AIG1: variants seen among roughly 807,000 people sequenced by gnomAD.
AIG1 encodes the protein androgen induced 1.
In AIG1, 23 loss-of-function variants were observed where a neutral mutation model predicts 31.4. The observed-to-expected ratio is 0.73, with a 90% CI of 0.53 to 1.04. AIG1 has a LOEUF of 1.04. Ranked by LOEUF, AIG1 falls within the 50% of genes least tolerant of loss-of-function variation. The probability of loss-of-function intolerance (pLI) is 0.00; values close to 1 mark genes in which losing one functional copy is unlikely to be tolerated. For synonymous variants in AIG1, 100 were observed against 110.5 expected (o/e 0.90, Z 0.60); for missense variants, 274 against 295.0 (o/e 0.93, Z 0.52).
At chr6:143,138,836 T>A (rs1407626205) in intron 2 of AIG1, among the ~76,000 whole-genome samples, 1 of 147,140 alleles carries the variant, frequency 6.8e-6, no homozygotes, top group Non-Finnish European at 1.5e-5. Context: ...GAGGTTGCAG[T>A]GAGCTGAGAT....
chr6:143,114,089 A>G (rs1781541845), intron 1 of AIG1, among the ~76,000 whole-genome samples: 2 of 152,126 alleles, frequency 1.3e-5, no homozygotes, highest in African/African-American at 4.8e-5. Flanking sequence ...TGTTTTCTTA[A>G]CCTGTTAAAC....
chr6:143,239,628 C>T (rs1794084433), intron 3 of AIG1, among the ~76,000 whole-genome samples: 1 of 152,198 alleles, frequency 6.6e-6, no homozygotes, highest in Non-Finnish European at 1.5e-5. Flanking sequence ...TATAAGTCTA[C>T]CTTACTCAGT....
intron 1 of AIG1, among the ~76,000 whole-genome samples, chr6:143,113,869 G>C (rs1781507173): frequency 6.6e-6 from 1 of 151,840 alleles, no homozygotes; most frequent in South Asian, 2.1e-4. Context: ...CTGCCTCCCG[G>C]GTTCATGGCA....
intron 4 of AIG1, among the ~76,000 whole-genome samples, chr6:143,316,564 G>C (rs1775757969): frequency 6.6e-6 from 1 of 151,872 alleles, no homozygotes; most frequent in Non-Finnish European, 1.5e-5. Flanking sequence ...TGAGCACAAA[G>C]AGACAATCTA....
intron 1 of AIG1, among the ~76,000 whole-genome samples, chr6:143,080,499 T>C (rs1212953243): frequency 6.6e-6 from 1 of 151,936 alleles, no homozygotes; most frequent in Non-Finnish European, 1.5e-5. Flanking sequence ...AAAACTCCGA[T>C]ACAATAGGGC....
intron 3 of AIG1, among the ~76,000 whole-genome samples, chr6:143,250,192 A>G (rs985633706): frequency 6.6e-6 from 1 of 152,216 alleles, no homozygotes; most frequent in African/African-American, 2.4e-5. Flanking sequence ...GATTGTGATC[A>G]CTTGTGTCTT....
chr6:143,205,548 A>G (rs1182653208), intron 3 of AIG1, among the ~76,000 whole-genome samples: 1 of 152,222 alleles, frequency 6.6e-6, no homozygotes, highest in Non-Finnish European at 1.5e-5. Flanking sequence ...ATCCATAAAT[A>G]CATTACCTTT....
intron 3 of AIG1, among the ~76,000 whole-genome samples, chr6:143,266,338 G>C (rs1478794036): frequency 1.9e-5 from 2 of 107,676 alleles, no homozygotes; most frequent in Non-Finnish European, 3.4e-5. Flanking sequence ...TAGAGTAAGA[G>C]TCCGTCTCAA....
chr6:143,336,148 A>G (rs1777471145), intron 5 of AIG1, among the ~76,000 whole-genome samples: 1 of 152,152 alleles, frequency 6.6e-6, no homozygotes, highest in African/African-American at 2.4e-5. Context: ...CAGTACTACA[A>G]TCCTGAGTAT....
chr6:143,067,946 G>A (rs2128459087), intron 1 of AIG1, among the ~76,000 whole-genome samples: 1 of 152,240 alleles, frequency 6.6e-6, no homozygotes, highest in East Asian at 1.9e-4. Context: ...CTAACCTGGA[G>A]GAAGAATTGT....
At chr6:143,264,772 C>G (rs1177657194) in intron 3 of AIG1, among the ~76,000 whole-genome samples, 1 of 152,134 alleles carries the variant, frequency 6.6e-6, no homozygotes, top group Non-Finnish European at 1.5e-5. Context: ...ATTTTGAAGA[C>G]CCAAAGCATA....
downstream of AIG1, chr6:143,343,110 T>TGCGGAC: frequency 3.9e-6 from 3 of 769,750 alleles, no homozygotes; most frequent in South Asian, 4.1e-5. Flanking sequence ...CTGTCCGCAC[T>TGCGGAC]AAGATCCCAG....
intron 3 of AIG1, among the ~76,000 whole-genome samples, chr6:143,281,667 A>C (rs1562553643): frequency 6.6e-6 from 1 of 152,232 alleles, no homozygotes; most frequent in South Asian, 2.1e-4. Flanking sequence ...TTATATTTGC[A>C]GTAGGTATTT....
intron 3 of AIG1, among the ~76,000 whole-genome samples, chr6:143,277,317 T>A (rs987006561): frequency 2.6e-5 from 4 of 152,212 alleles, no homozygotes; most frequent in African/African-American, 9.6e-5. Context: ...CATACTATTC[T>A]TATTTACAAT....
intron 1 of AIG1, among the ~76,000 whole-genome samples, chr6:143,079,571 T>A (rs1318117680): frequency 2.0e-5 from 3 of 152,204 alleles, no homozygotes; most frequent in Non-Finnish European, 4.4e-5. Context: ...CCATTTGGGC[T>A]GGCACCAGAA....
At chr6:143,079,179 C>T (rs1298686150) in intron 1 of AIG1, among the ~76,000 whole-genome samples, 1 of 151,938 alleles carries the variant, frequency 6.6e-6, no homozygotes, top group African/African-American at 2.4e-5. Flanking sequence ...TTCCTCTGGT[C>T]ATTGAGTTGG....
At chr6:143,287,532 A>G (rs960100862) in intron 4 of AIG1, among the ~76,000 whole-genome samples, 2 of 152,102 alleles carry the variant, frequency 1.3e-5, no homozygotes, top group South Asian at 2.1e-4. Context: ...AACTCTATGA[A>G]TGAACATAGT....
intron 1 of AIG1, among the ~76,000 whole-genome samples, chr6:143,094,751 G>GA (rs60985699): frequency 3.0e-4 from 43 of 143,098 alleles, no homozygotes; most frequent in South Asian, 9.2e-4. Flanking sequence ...TGATCAAATA[G>GA]AAAAAAAAAA....
intron 3 of AIG1, chr6:143,187,293 C>G (rs1789348842): frequency 9.7e-7 from 1 of 1,029,050 alleles, no homozygotes; most frequent in African/African-American, 1.6e-5. Flanking sequence ...GAGAATTTGA[C>G]TGCTAATATT....
Sources: gnomAD v4.1 joint callset for allele counts (sites outside exome capture counted in the v4.1 genomes callset) on GRCh38, gnomAD v4.1.1 for gene constraint, MANE v1.5 for transcripts, NCBI Gene and HGNC (gene_info 2026-07-23, HGNC 2026-07-21) for gene names.